The following OR2G6 variants were observed in gnomAD, a reference collection of about 807,000 sequenced individuals.
OR2G6 encodes olfactory receptor 2G6.
For missense variants in OR2G6, 457 were observed against 391.3 expected, an observed-to-expected ratio of 1.17 and a Z score of -1.42; for synonymous variants, 183 against 155.2, an observed-to-expected ratio of 1.18 and a Z score of -1.33.
At position 248,521,713 on chromosome 1, in the gene OR2G6, C is replaced by T. The variant is rs758388340; in HGVS notation, c.67C>T (p.Leu23=). ...LLLGFSDQPQ[L]ERFLFAIILY... is the part of the protein sequence containing the mutation. ...CCTGGGATTTTCAGATCAGCCTCAG[C>T]TAGAGAGGTTTCTTTTTGCCATCAT... is the stretch of plus-strand genomic sequence containing the variant. Residue 23 remains leucine, a synonymous_variant, in exon 2 of 2, where the codon CTA becomes TTA. Coordinates refer to ENST00000641804, the MANE Select transcript of OR2G6 (RefSeq NM_001013355.2). 4 of 1,614,046 alleles carry T rather than the reference C, an allele frequency of 2.5e-6. No homozygotes were observed. In the Admixed American group the frequency reaches 6.7e-5, roughly 27 times the overall value.
Position 248,522,327 on chromosome 1 carries a change from G to T in OR2G6, c.681G>T (p.Arg227Ser), listed in dbSNP as rs758789666. 1 of 1,614,154 alleles carries T rather than the reference G, an allele frequency of 6.2e-7. No individual in the cohort carries two copies. The highest frequency in any genetic ancestry group is 8.5e-7 in the Non-Finnish European group (1 of 1,180,036). Residue 227 changes from arginine (R) to serine (S), a missense_variant, in exon 2 of 2, where the codon AGG becomes AGT. Coordinates refer to ENST00000641804, the MANE Select transcript of OR2G6 (RefSeq NM_001013355.2). ...GCTTTATCACTCAAGCTGTGTTAAG[G>T]ATAAAATCAGCTGCGGGCCGCCAAA... Reference protein sequence around the residue: ...SYGFITQAVLRIKSAAGRQKA... With the variant: ...SYGFITQAVLSIKSAAGRQKA...
Position 248,525,703 on chromosome 1 carries a change from A to C in OR2G6, c.*3106A>C, listed in dbSNP as rs1664381850. On this transcript the variant is annotated 3_prime_UTR_variant, in exon 2 of 2. Transcript: ENST00000641804. The stretch of plus-strand genomic sequence containing the variant: ...AACCAGCTAGCATCACGATGACAAG[A>C]TCAAATTCACACATAAAAATATTAA... 1 of 152,170 alleles carries C rather than the reference A, an allele frequency of 6.6e-6. No individual in the cohort carries two copies. 9.4% of individuals were successfully genotyped at this position (152,170 alleles called of 1,614,324 possible). A position where few individuals can be genotyped will look rare whatever the true frequency, so the allele number is the denominator to read the frequency against.
rs538615728 is a variant in OR2G6 at position 248,521,979 on chromosome 1, G to A, written c.333G>A (p.Glu111=). The A allele has an allele frequency of 9.9e-6, 16 of 1,614,176 alleles. No homozygotes were observed. The highest frequency in any genetic ancestry group is 2.2e-5 in the South Asian group (2 of 91,070). ...TGGCCATGGGGTTGGGCTCGTCTGA[G>A]TGTATTCTCTTGGCCGTCATGGCTT... ...LYVAMGLGSS[E]CILLAVMAYD... is the part of the protein sequence containing the mutation. The change falls in exon 2 of 2, where the codon GAG becomes GAA. Residue 111 remains glutamate, a synonymous_variant. Coordinates refer to ENST00000641804, the MANE Select transcript of OR2G6 (RefSeq NM_001013355.2).
Position 248,522,126 on chromosome 1 carries a change from C to T in OR2G6, c.480C>T (p.Cys160=), listed in dbSNP as rs138646819. The T allele has an allele frequency of 2.0e-4, 329 of 1,612,390 alleles. No homozygotes were observed. The highest frequency in any genetic ancestry group is 2.7e-5 in the Non-Finnish European group (32 of 1,179,972). The change falls in exon 2 of 2, where the codon TGC becomes TGT. Residue 160 remains cysteine (C), a synonymous_variant. Coordinates refer to ENST00000641804, the MANE Select transcript of OR2G6 (RefSeq NM_001013355.2). Reference sequence around the variant, plus strand: ...GCCTCATCACCTCCCTAATTCAGTGCTCCCTCACTGTGCAGCTGCCCCTCT... The same window carrying T: ...GCCTCATCACCTCCCTAATTCAGTGTTCCCTCACTGTGCAGCTGCCCCTCT... The part of the protein sequence containing the change: ...LSGLITSLIQ[C]SLTVQLPLCG...
At chr1:248,520,394 C>T (rs1479203894) in intron 1 of OR2G6, among the ~76,000 whole-genome samples, 2 of 151,976 alleles carry the variant, frequency 1.3e-5, no homozygotes, top group Non-Finnish European at 2.9e-5. Flanking sequence ...GCACGTTCTG[C>T]ACATGTACCC....
chr1:248,524,486 C>T lies in OR2G6; in HGVS notation c.*1889C>T, dbSNP rs1664355253. 6.6e-6 allele frequency: 1 copy of T among 152,172 alleles called. No homozygotes were observed. The highest frequency in any genetic ancestry group is 1.5e-5 in the Non-Finnish European group (1 of 68,040). The allele number at this position is 152,172 out of a possible 1,614,324, so 9.4% of individuals were successfully genotyped here. A position where few individuals can be genotyped will look rare whatever the true frequency, so the allele number is the denominator to read the frequency against. On this transcript the variant is annotated 3_prime_UTR_variant, in exon 2 of 2. Coordinates refer to ENST00000641804, the MANE Select transcript of OR2G6 (RefSeq NM_001013355.2). ...AGTTCTACAGGAAGCGTCACATGTA[C>T]AAATGCATTATTCCTGATAACCCGA...
rs1393974346 is a variant in OR2G6, at chr1:248,523,376, A to C, written c.*779A>C. On this transcript the variant is annotated 3_prime_UTR_variant, in exon 2 of 2. Coordinates refer to ENST00000641804, the MANE Select transcript of OR2G6 (RefSeq NM_001013355.2). Reference sequence around the variant, plus strand: ...TTTATTAAAGGAATCAAATAAGCAAACTTGAATTAAGGAGATTGATTAAAA... The same window carrying C: ...TTTATTAAAGGAATCAAATAAGCAACCTTGAATTAAGGAGATTGATTAAAA... 1 of 152,228 alleles carries C rather than the reference A, an allele frequency of 6.6e-6. No homozygotes were observed. Among genetic ancestry groups the C allele is most frequent in the East Asian group, 1.9e-4 (1 of 5,200 alleles). The allele number at this position is 152,228 out of a possible 1,614,324, so 9.4% of individuals were successfully genotyped here.
Position 248,522,342 on chromosome 1 carries a change from G to A in OR2G6, c.696G>A (p.Ala232=), listed in dbSNP as rs755014909. The A allele has an allele frequency of 3.7e-5, 59 of 1,614,118 alleles. No homozygotes were observed. Among genetic ancestry groups the A allele is most frequent in the African/African-American group, 8.0e-5 (6 of 75,030 alleles). ...CTGTGTTAAGGATAAAATCAGCTGC[G>A]GGCCGCCAAAAGGCCTTTGGGACCT... ...TQAVLRIKSA[A]GRQKAFGTCS... Residue 232 remains alanine (A), a synonymous_variant, in exon 2 of 2, where the codon GCG becomes GCA. Coordinates refer to ENST00000641804, the MANE Select transcript of OR2G6 (RefSeq NM_001013355.2).
intron 1 of OR2G6, among the ~76,000 whole-genome samples, chr1:248,520,820 CCAACATGGT>C (rs1199230578): frequency 6.7e-6 from 1 of 150,038 alleles, no homozygotes. Context: ...ACCAGCCTGG[CCAACATGGT>C]GAAACCCCCA....
Position 248,522,298 on chromosome 1 carries a change from T to C in OR2G6, c.652T>C (p.Tyr218His). 6.2e-7 allele frequency: 1 copy of C among 1,614,194 alleles called. No homozygotes were observed. The highest frequency in any genetic ancestry group is 8.5e-7 in the Non-Finnish European group (1 of 1,180,030). Residue 218 changes from tyrosine to histidine, a missense_variant, in exon 2 of 2, where the codon TAT becomes CAT. Tyr to His is a moderately conservative substitution (Grantham distance 83, BLOSUM62 2). Coordinates refer to ENST00000641804, the MANE Select transcript of OR2G6 (RefSeq NM_001013355.2). ...IVPVLLILVSYGFITQAVLRI... is the reference protein window; with the variant it reads ...IVPVLLILVSHGFITQAVLRI... Reference sequence around the variant, plus strand: ...CCCGGTGTTACTCATCTTAGTCTCCTATGGCTTTATCACTCAAGCTGTGTT... The same window carrying C: ...CCCGGTGTTACTCATCTTAGTCTCCCATGGCTTTATCACTCAAGCTGTGTT...
In OR2G6 at chr1:248,527,209, T is replaced by C. The variant is rs186585568; in HGVS notation, c.*4612T>C. On this transcript the variant is annotated 3_prime_UTR_variant, in exon 2 of 2. Transcript: ENST00000641804. ...GGATCCAGTTTCAGCTTTCTACATA[T>C]GGCTAGTCAGTTTTCCCAGCACCAT... is the stretch of plus-strand genomic sequence containing the variant. The C allele has an allele frequency of 3.9e-5, 6 of 152,230 alleles. No individual in the cohort carries two copies. The highest frequency in any genetic ancestry group is 7.3e-5 in the Non-Finnish European group (5 of 68,048). 9.4% of individuals were successfully genotyped at this position (152,230 alleles called of 1,614,324 possible).
rs961649570 is a variant in OR2G6 at position 248,525,435 on chromosome 1, AT to A, written c.*2846del. ...GGTTCCACCACTCCAAACACCATGA[AT>A]TTTTTTTAAAAGATATTTTTAAGAA... On this transcript the variant is annotated 3_prime_UTR_variant, in exon 2 of 2. Transcript: ENST00000641804. 23 of 150,704 alleles carry A rather than the reference AT, an allele frequency of 1.5e-4. No individual in the cohort carries two copies. Among genetic ancestry groups the A allele is most frequent in the South Asian group, 8.4e-4 (4 of 4,768 alleles). 9.3% of individuals were successfully genotyped at this position (150,704 alleles called of 1,614,324 possible).
Position 248,522,772 on chromosome 1 carries a change from T to C in OR2G6, c.*175T>C. The C allele has an allele frequency of 1.7e-6, 1 of 572,420 alleles. No individual in the cohort carries two copies. The highest frequency in any genetic ancestry group is 2.8e-5 in the East Asian group (1 of 35,366). The allele number at this position is 572,420 out of a possible 1,614,324, so 35.5% of individuals were successfully genotyped here. ...ATTCATCCTCCCCAGACATTCCTCT[T>C]GTCAATCCCAAAGCCACAGGGACTA... On this transcript the variant is annotated 3_prime_UTR_variant, in exon 2 of 2. Coordinates refer to ENST00000641804, the MANE Select transcript of OR2G6 (RefSeq NM_001013355.2).
rs899597241 is a variant in OR2G6, at chr1:248,522,815, AAAG to A, written c.*223_*225del. Reference sequence around the variant, plus strand: ...AGGGACTAGGAAGCATTGGAATTCTAAAGAAGAGAAACACACCAAAGCAGCATG... The same window carrying A: ...AGGGACTAGGAAGCATTGGAATTCTAAAGAGAAACACACCAAAGCAGCATG... On this transcript the variant is annotated 3_prime_UTR_variant, in exon 2 of 2. Transcript: ENST00000641804. The A allele has an allele frequency of 1.5e-4, 81 of 522,766 alleles. 1 individual carries two copies. Among genetic ancestry groups the A allele is most frequent in the African/African-American group, 1.5e-3 (76 of 51,946 alleles). The allele number at this position is 522,766 out of a possible 1,614,324, so 32.4% of individuals were successfully genotyped here.
In OR2G6 at chr1:248,521,606, C is replaced by CTT. The variant is rs1435576373; in HGVS notation, c.-36-4_-36-3dup. 7.4e-7 allele frequency: 1 copy of CTT among 1,351,122 alleles called. No homozygotes were observed. The highest frequency in any genetic ancestry group is 1.0e-6 in the Non-Finnish European group (1 of 960,032). 83.7% of individuals were successfully genotyped at this position (1,351,122 alleles called of 1,614,324 possible). On this transcript the variant is annotated splice_region_variant and splice_polypyrimidine_tract_variant and intron_variant, in intron 1 of 1. Transcript: ENST00000641804. The stretch of plus-strand genomic sequence containing the variant: ...ACTTTCTATCCCCAAATATTAATCA[C>CTT]TTAGTATTTGAAGCTGAAGAGTCCT...
rs1045962714 is a variant in OR2G6 at position 248,525,847 on chromosome 1, C to T, written c.*3250C>T. 4.6e-5 allele frequency: 7 copies of T among 151,830 alleles called. No homozygotes were observed. The highest frequency in any genetic ancestry group is 2.6e-4 in the Admixed American group (4 of 15,214). 9.4% of individuals were successfully genotyped at this position (151,830 alleles called of 1,614,324 possible). Reference sequence around the variant, plus strand: ...TGGCCAGCATGGTGAAACCCCATGTCTCCTAAAAAAAATACAAAAAATTAG... The same window carrying T: ...TGGCCAGCATGGTGAAACCCCATGTTTCCTAAAAAAAATACAAAAAATTAG... On this transcript the variant is annotated 3_prime_UTR_variant, in exon 2 of 2. Coordinates refer to ENST00000641804, the MANE Select transcript of OR2G6 (RefSeq NM_001013355.2).
At position 248,526,031 on chromosome 1, in the gene OR2G6, A is replaced by AAAAATGTATATGTTATC. The variant is rs1467380115; in HGVS notation, c.*3436_*3452dup. On this transcript the variant is annotated 3_prime_UTR_variant, in exon 2 of 2. Coordinates refer to ENST00000641804, the MANE Select transcript of OR2G6 (RefSeq NM_001013355.2). ...AGACTCCATCTCAAAAAAAAAAGAAAAAAATGTATATGTTATCACTTTGGT... is the reference window on the plus strand; with the variant it reads ...AGACTCCATCTCAAAAAAAAAAGAAAAAAATGTATATGTTATCAAAATGTATATGTTATCACTTTGGT... 6.6e-6 allele frequency: 1 copy of AAAAATGTATATGTTATC among 152,194 alleles called. No individual in the cohort carries two copies. The highest frequency in any genetic ancestry group is 1.5e-5 in the Non-Finnish European group (1 of 68,052). 9.4% of individuals were successfully genotyped at this position (152,194 alleles called of 1,614,324 possible). A position where few individuals can be genotyped will look rare whatever the true frequency, so the allele number is the denominator to read the frequency against.
In OR2G6 at chr1:248,524,410, G is replaced by A. The variant is rs1432362183; in HGVS notation, c.*1813G>A. 1 of 152,238 alleles carries A rather than the reference G, an allele frequency of 6.6e-6. No homozygotes were observed. Among genetic ancestry groups the A allele is most frequent in the Non-Finnish European group, 1.5e-5 (1 of 68,038 alleles). 9.4% of individuals were successfully genotyped at this position (152,238 alleles called of 1,614,324 possible). A position where few individuals can be genotyped will look rare whatever the true frequency, so the allele number is the denominator to read the frequency against. On this transcript the variant is annotated 3_prime_UTR_variant, in exon 2 of 2. Transcript: ENST00000641804. ...GGAGAGGAGAGTTGGGAACTGAGCAGAACATGCTGAGGAGCACATGTTTTT... is the reference window on the plus strand; with the variant it reads ...GGAGAGGAGAGTTGGGAACTGAGCAAAACATGCTGAGGAGCACATGTTTTT...
chr1:248,522,137 T>C lies in OR2G6; in HGVS notation c.491T>C (p.Val164Ala), dbSNP rs571380315. ...ITSLIQCSLT[V>A]QLPLCGHRTL... ...TCCCTAATTCAGTGCTCCCTCACTG[T>C]GCAGCTGCCCCTCTGTGGTCATCGC... is the stretch of plus-strand genomic sequence containing the variant. Residue 164 changes from valine to alanine, a missense_variant, in exon 2 of 2, where the codon GTG becomes GCG. Physicochemically the swap from Val to Ala is moderately conservative, Grantham distance 64. Coordinates refer to ENST00000641804, the MANE Select transcript of OR2G6 (RefSeq NM_001013355.2). 11 of 1,612,396 alleles carry C rather than the reference T, an allele frequency of 6.8e-6. No individual in the cohort carries two copies. In the East Asian group the frequency reaches 2.5e-4, roughly 36 times the overall value.
Sources: allele counts gnomAD v4.1 joint callset (sites outside exome capture counted in the v4.1 genomes callset), GRCh38; gene constraint gnomAD v4.1.1; transcripts MANE v1.5; gene names NCBI Gene and HGNC (gene_info 2026-07-23, HGNC 2026-07-21).